The following ANXA13 variants were observed in gnomAD, a reference collection of about 807,000 sequenced individuals.
The protein encoded by ANXA13 is annexin A13.
ANXA13 carries 36 observed loss-of-function variants against 46.6 expected under a neutral mutation model. The ratio of observed to expected loss-of-function variants is 0.77; its 90% CI spans 0.59 to 1.02. The LOEUF (loss-of-function observed/expected upper bound fraction) is 1.02, where lower values mean the gene tolerates loss of function less well. ANXA13 is among the 50% of genes least tolerant of loss of function. The pLI, the probability that ANXA13 is intolerant of heterozygous loss-of-function variation, is 0.00. For missense variants in ANXA13, 417 were observed against 396.5 expected, an observed-to-expected ratio of 1.05 and a Z score of -0.44; for synonymous variants, 163 against 152.9, an observed-to-expected ratio of 1.07 and a Z score of -0.49.
At chr8:123,697,977 CATT>C (rs1308247520) in intron 4 of ANXA13, among the ~76,000 whole-genome samples, 4 of 152,218 alleles carry the variant, frequency 2.6e-5, no homozygotes, top group African/African-American at 9.6e-5. Context: ...CTCTCTTCCT[CATT>C]ATAGTCTCTT....
intron 1 of ANXA13, among the ~76,000 whole-genome samples, chr8:123,734,963 G>A (rs947678834): frequency 5.3e-5 from 8 of 151,734 alleles, no homozygotes; most frequent in African/African-American, 1.5e-4. Context: ...AGGTCCCACG[G>A]CATTACAAGG....
At chr8:123,729,673 C>T (rs756181492) in intron 1 of ANXA13, among the ~76,000 whole-genome samples, 2 of 152,158 alleles carry the variant, frequency 1.3e-5, no homozygotes, top group East Asian at 3.8e-4. Flanking sequence ...GTATGTCTGA[C>T]AGAAAGGCAG....
intron 1 of ANXA13, among the ~76,000 whole-genome samples, chr8:123,726,148 C>A (rs1030577538): frequency 3.9e-5 from 6 of 152,158 alleles, no homozygotes; most frequent in African/African-American, 1.4e-4. Context: ...AAAATGAGTT[C>A]AGTTCTTTAG....
chr8:123,732,668 G>GTT (rs901711417), intron 1 of ANXA13, among the ~76,000 whole-genome samples: 3 of 146,984 alleles, frequency 2.0e-5, no homozygotes, highest in Non-Finnish European at 3.0e-5. Context: ...ACAATGGCTG[G>GTT]TTTGTTTTTT....
rs1586322760 is a variant in ANXA13, at chr8:123,702,633, T to C, written c.186+9A>G. On this transcript the variant is annotated intron_variant, in intron 3 of 10. Coordinates refer to ENST00000419625, the MANE Select transcript of ANXA13 (RefSeq NM_004306.4). ...TGGGTGCAAGCTTGCTGACCACCCC[T>C]GGAATCACCTTGCCGTACGTTGCCT... 1.9e-6 allele frequency: 3 copies of C among 1,613,144 alleles called. No individual in the cohort carries two copies. The highest frequency in any genetic ancestry group is 2.2e-5 in the South Asian group (2 of 91,062).
chr8:123,731,678 G>C (rs1483267185), intron 1 of ANXA13, among the ~76,000 whole-genome samples: 1 of 152,024 alleles, frequency 6.6e-6, no homozygotes, highest in Non-Finnish European at 1.5e-5. Context: ...TTCTAGACCA[G>C]CCTGAGCAAC....
chr8:123,704,887 G>A (rs192287425), intron 2 of ANXA13, among the ~76,000 whole-genome samples: 5 of 152,092 alleles, frequency 3.3e-5, no homozygotes, highest in Non-Finnish European at 5.9e-5. Context: ...GGCGACTTTC[G>A]CCCTTTGACT....
intron 9 of ANXA13, among the ~76,000 whole-genome samples, chr8:123,688,259 G>A (rs943679565): frequency 6.6e-6 from 1 of 152,178 alleles, no homozygotes; most frequent in Non-Finnish European, 1.5e-5. Flanking sequence ...GAGATTTGAT[G>A]ATTTTATAAG....
At chr8:123,715,747 C>T (rs759406374) in intron 1 of ANXA13, among the ~76,000 whole-genome samples, 1 of 152,162 alleles carries the variant, frequency 6.6e-6, no homozygotes, top group Non-Finnish European at 1.5e-5. Flanking sequence ...TTGCAGAGAC[C>T]GTGTGGAGAC....
chr8:123,722,610 G>A (rs1290030364), intron 1 of ANXA13, among the ~76,000 whole-genome samples: 1 of 152,202 alleles, frequency 6.6e-6, no homozygotes, highest in Non-Finnish European at 1.5e-5. Context: ...AGCAAAGTGT[G>A]TATGTAGGAG....
Position 123,737,354 on chromosome 8 carries a change from T to A in ANXA13, c.-20A>T, listed in dbSNP as rs12677939. On this transcript the variant is annotated 5_prime_UTR_variant, in exon 1 of 11. Transcript: ENST00000419625. Reference sequence around the variant, plus strand: ...GCCCATTTTCCTTTTTCTGAGATGGTTTTTCTGTATTTCATCAAGAGATCA... The same window carrying A: ...GCCCATTTTCCTTTTTCTGAGATGGATTTTCTGTATTTCATCAAGAGATCA... 7,118 of 1,609,042 alleles carry A rather than the reference T, an allele frequency of 4.4e-3. 228 individuals are homozygous for A. In the African/African-American group the frequency reaches 0.07, roughly 16 times the overall value.
intron 1 of ANXA13, among the ~76,000 whole-genome samples, chr8:123,717,973 C>T (rs950405199): frequency 1.3e-5 from 2 of 152,246 alleles, no homozygotes; most frequent in African/African-American, 4.8e-5. Context: ...CGCCCAGACT[C>T]GCACCCAGGC....
intron 4 of ANXA13, among the ~76,000 whole-genome samples, chr8:123,698,096 G>C (rs184100789): frequency 2.0e-5 from 3 of 152,330 alleles, no homozygotes; most frequent in African/African-American, 7.2e-5. Context: ...CAGGCTGGGT[G>C]GGGGAAAGTA....
intron 1 of ANXA13, chr8:123,728,485 C>G (rs1011768182): frequency 6.6e-6 from 1 of 152,068 alleles, no homozygotes; most frequent in African/African-American, 2.4e-5. Context: ...TTTGCCAATT[C>G]AATGAGAGTA....
intron 1 of ANXA13, among the ~76,000 whole-genome samples, chr8:123,725,163 G>T (rs181645175): frequency 6.6e-6 from 1 of 152,142 alleles, no homozygotes; most frequent in Non-Finnish European, 1.5e-5. Flanking sequence ...TCCATTTATG[G>T]TATCAGTATA....
rs933055506 is a variant in ANXA13 at position 123,725,226 on chromosome 8, T to C, written c.15+12094A>G. 6.6e-5 allele frequency among the ~76,000 whole-genome samples: 10 copies of C among 152,218 alleles called. No homozygotes were observed. The South Asian group carries it at 1.0e-3, about 16-fold the overall frequency. ...TAAAAAGTGCGTATTTAAAAATAAT[T>C]AATAGAATAATTAGTAGAAGAGGTA... On this transcript the variant is annotated intron_variant, in intron 1 of 10. Coordinates refer to ENST00000419625, the MANE Select transcript of ANXA13 (RefSeq NM_004306.4).
chr8:123,682,511 C>T (rs558890482), intron 10 of ANXA13, among the ~76,000 whole-genome samples: 27 of 152,300 alleles, frequency 1.8e-4, no homozygotes, highest in Non-Finnish European at 2.5e-4. Flanking sequence ...CTGATTCTTT[C>T]TTCTCTTGCC....
At position 123,695,700 on chromosome 8, in the gene ANXA13, C is replaced by T. The variant is rs368146229; in HGVS notation, c.379G>A (p.Ala127Thr). 4.7e-5 allele frequency: 76 copies of T among 1,613,568 alleles called. 2 individuals are homozygous for T. In the South Asian group the frequency reaches 7.0e-4, roughly 15 times the overall value. The change falls in exon 5 of 11, where the codon GCC becomes ACC. Residue 127 changes from alanine (A) to threonine (T), a missense_variant. Ala to Thr is a moderately conservative substitution (Grantham distance 58). Coordinates refer to ENST00000419625, the MANE Select transcript of ANXA13 (RefSeq NM_004306.4). ...TNKEIIAIKE[A>T]YQRLFDRSLE... is the part of the protein sequence containing the mutation. The stretch of plus-strand genomic sequence containing the variant: ...AAAAGTCACTTACGCCTTTGGTAGG[C>T]CTCTTTAATGGCGATGATTTCCTAG...
At chr8:123,693,176 C>G (rs1386963937) in intron 8 of ANXA13, 21 bp downstream of exon 8, 4 of 1,603,690 alleles carry the variant, frequency 2.5e-6, no homozygotes, top group Admixed American at 3.3e-5. Flanking sequence ...AACTCTTTTG[C>G]CCCAATACTT....
Sources: allele counts gnomAD v4.1 joint callset (sites outside exome capture counted in the v4.1 genomes callset), GRCh38; gene constraint gnomAD v4.1.1; transcripts MANE v1.5; gene names NCBI Gene and HGNC (gene_info 2026-07-23, HGNC 2026-07-21).